Variants in COL18A1 observed in about 807,000 individuals in gnomAD.
The protein encoded by COL18A1 is collagen type XVIII alpha 1 chain, also known as collagen alpha-1(XVIII) chain.
Under a neutral mutation model 168.0 loss-of-function variants are expected in COL18A1, and 133 were observed. The ratio of observed to expected loss-of-function variants is 0.79; its 90% CI spans 0.69 to 0.91. COL18A1 has a LOEUF of 0.91. Ranked by LOEUF, COL18A1 falls within the 40% of genes least tolerant of loss-of-function variation. The pLI, the probability that COL18A1 is intolerant of heterozygous loss-of-function variation, is 0.00. For synonymous variants in COL18A1, 949 were observed against 809.0 expected, an observed-to-expected ratio of 1.17 and a Z score of -2.94; for missense variants, 2,126 against 1,925.4, an observed-to-expected ratio of 1.10 and a Z score of -1.95.
At chr21:45,467,239 G>T (rs2035244191) in intron 2 of COL18A1, 7 of 985,448 alleles carry the variant, frequency 7.1e-6, no homozygotes, top group East Asian at 1.1e-4. Flanking sequence ...TGGGCACCGG[G>T]GCTGCGTCCT....
chr21:45,479,407 G>A (rs886299429), intron 9 of COL18A1, among the ~76,000 whole-genome samples: 8 of 149,488 alleles, frequency 5.4e-5, no homozygotes, highest in African/African-American at 1.2e-4. Context: ...CTACACGCAC[G>A]TGCACACATC....
chr21:45,447,850 G>C (rs1203647927), intron 2 of COL18A1, among the ~76,000 whole-genome samples: 1 of 152,138 alleles, frequency 6.6e-6, no homozygotes, highest in Non-Finnish European at 1.5e-5. Flanking sequence ...ACATCAAGCA[G>C]GAGATGTCGG....
chr21:45,456,474 G>A (rs2034821256), intron 2 of COL18A1: 4 of 1,546,196 alleles, frequency 2.6e-6, no homozygotes, highest in Non-Finnish European at 3.5e-6. Context: ...GTGGGGCCGG[G>A]TCTTGCTAAT....
intron 2 of COL18A1, among the ~76,000 whole-genome samples, chr21:45,411,028 G>A (rs1388049241): frequency 2.6e-5 from 4 of 152,226 alleles, no homozygotes; most frequent in African/African-American, 9.6e-5. Flanking sequence ...AGGAGACTTT[G>A]TTTTGGGAGG....
intron 2 of COL18A1, among the ~76,000 whole-genome samples, chr21:45,439,144 G>T (rs986696911): frequency 6.6e-6 from 1 of 152,234 alleles, no homozygotes; most frequent in Non-Finnish European, 1.5e-5. Flanking sequence ...TTTTTAATTC[G>T]AGAAAACCTA....
At chr21:45,456,634 CG>C (rs2034829329) in intron 2 of COL18A1, 1 of 1,537,896 alleles carries the variant, frequency 6.5e-7, no homozygotes, top group Non-Finnish European at 8.7e-7. Context: ...AGGTGCGGGC[CG>C]GGGCACGGGC....
At chr21:45,466,443 T>A (rs1427402694) in intron 2 of COL18A1, among the ~76,000 whole-genome samples, 1 of 152,128 alleles carries the variant, frequency 6.6e-6, no homozygotes, top group African/African-American at 2.4e-5. Flanking sequence ...CGCCCCACCA[T>A]ACCCAGGAAG....
chr21:45,503,962 C>CG, intron 32 of COL18A1, 49 bp from the exon 33 acceptor site: 1 of 1,609,496 alleles, frequency 6.2e-7, no homozygotes, highest in Non-Finnish European at 8.5e-7. Flanking sequence ...GGGAACCCGG[C>CG]GCTGTCAGAC....
chr21:45,482,875 G>C, intron 15 of COL18A1, 54 bp downstream of exon 15: 4 of 1,613,786 alleles, frequency 2.5e-6, no homozygotes, highest in Non-Finnish European at 3.4e-6. Flanking sequence ...CCCACTCAGT[G>C]CTCGGACCCC....
rs533994640 is a variant in COL18A1, at chr21:45,480,957, C to T, written c.1611+99C>T. On this transcript the variant is annotated intron_variant, in intron 13 of 41. Transcript: ENST00000651438. ...GCCCCTGCCCCGCCTCAGGCCTCCC[C>T]AGTCCCCGCCTCCTCACCTCATCTC... is the stretch of plus-strand genomic sequence containing the variant. 10 of 1,468,766 alleles carry T rather than the reference C, an allele frequency of 6.8e-6. No individual in the cohort carries two copies. In the South Asian group the frequency reaches 1.1e-4, roughly 16 times the overall value. The allele number at this position is 1,468,766 out of a possible 1,614,324, so 91.0% of individuals were successfully genotyped here.
chr21:45,460,566 G>A (rs904038966), intron 2 of COL18A1, among the ~76,000 whole-genome samples: 7 of 152,210 alleles, frequency 4.6e-5, no homozygotes, highest in Non-Finnish European at 8.8e-5. Flanking sequence ...CCTACCCCAT[G>A]GGCCAGCCAC....
intron 8 of COL18A1, 47 bp downstream of exon 8, chr21:45,478,012 G>C: frequency 9.5e-7 from 1 of 1,055,322 alleles, no homozygotes; most frequent in Non-Finnish European, 1.4e-6. Flanking sequence ...GGAGGGTGGG[G>C]GCTTGGGTAG....
intron 31 of COL18A1, 48 bp downstream of exon 31, chr21:45,497,140 C>CA: frequency 9.2e-6 from 11 of 1,198,004 alleles, no homozygotes; most frequent in African/African-American, 1.5e-5. Flanking sequence ...TGAAGGGATG[C>CA]TCCAGAGCCC....
intron 2 of COL18A1, among the ~76,000 whole-genome samples, chr21:45,442,778 C>T (rs1486716615): frequency 9.7e-5 from 9 of 92,422 alleles, no homozygotes; most frequent in Admixed American, 2.9e-4. Flanking sequence ...GTGTGGGCGG[C>T]GGTCCTGGTG....
In COL18A1 at chr21:45,491,280, C is replaced by T. The variant is rs772157889; in HGVS notation, c.2123C>T (p.Pro708Leu). The T allele has an allele frequency of 1.2e-6, 2 of 1,612,332 alleles. No individual in the cohort carries two copies. Among genetic ancestry groups the T allele is most frequent in the Admixed American group, 3.3e-5 (2 of 60,002 alleles). Residue 708 changes from proline to leucine, a missense_variant, in exon 22 of 42, where the codon CCC becomes CTC. By Grantham distance (98) the Pro-to-Leu change is moderately conservative. Coordinates refer to ENST00000651438, the MANE Select transcript of COL18A1 (RefSeq NM_001379500.1). ...CCGGGCCTCCCTGGCCCCCCCGGAC[C>T]CCCGGGACCTGTGGTCTACGTGTCG... ...GQPGLPGPPG[P>L]PGPVVYVSEQ... is the part of the protein sequence containing the mutation.
intron 2 of COL18A1, among the ~76,000 whole-genome samples, chr21:45,427,479 C>T (rs1303161247): frequency 4.6e-5 from 7 of 152,190 alleles, no homozygotes; most frequent in Non-Finnish European, 8.8e-5. Context: ...ACTGTGTGCC[C>T]GGGTGCCGTG....
In COL18A1 at chr21:45,422,128, CACAT is replaced by C. The variant is rs143051392; in HGVS notation, c.106+16659_106+16662del. The stretch of plus-strand genomic sequence containing the variant: ...ACACACGTTCACACACACAGGCTCA[CACAT>C]ACAGGTTCACATACACATGGCTCAC... On this transcript the variant is annotated intron_variant, in intron 2 of 41. Coordinates refer to ENST00000651438, the MANE Select transcript of COL18A1 (RefSeq NM_001379500.1). Among the ~76,000 whole-genome samples, 5 of 152,250 alleles carry C rather than the reference CACAT, an allele frequency of 3.3e-5. No homozygotes were observed. In the East Asian group the frequency reaches 9.6e-4, roughly 29 times the overall value.
rs1268745175 is a variant in COL18A1, at chr21:45,437,717, G to T, written c.107-30525G>T. 7.1e-5 allele frequency among the ~76,000 whole-genome samples: 2 copies of T among 28,360 alleles called. 1 individual carries two copies. Among genetic ancestry groups the T allele is most frequent in the Non-Finnish European group, 1.2e-4 (2 of 16,672 alleles). The allele number at this position is 28,360 out of a possible 152,430, so 18.6% of individuals were successfully genotyped here. A position where few individuals can be genotyped will look rare whatever the true frequency, so the allele number is the denominator to read the frequency against. ...ACACACACACACACTCAGACACACA[G>T]GCACTCTCCTGCACACACACACTCA... On this transcript the variant is annotated intron_variant, in intron 2 of 41. Coordinates refer to ENST00000651438, the MANE Select transcript of COL18A1 (RefSeq NM_001379500.1).
chr21:45,476,250 A>G, intron 5 of COL18A1, 101 bp from the exon 6 acceptor site: 2 of 1,542,404 alleles, frequency 1.3e-6, no homozygotes, highest in Non-Finnish European at 1.8e-6. Flanking sequence ...ATTTTTCTTT[A>G]TCTTTCTTGC....
Sources: gnomAD v4.1 joint callset for allele counts (sites outside exome capture counted in the v4.1 genomes callset) on GRCh38, gnomAD v4.1.1 for gene constraint, MANE v1.5 for transcripts, NCBI Gene and HGNC (gene_info 2026-07-23, HGNC 2026-07-21) for gene names.